NOL7: variants seen among roughly 807,000 people sequenced by gnomAD.
NOL7 encodes the protein nucleolar protein 7.
In NOL7, 36 loss-of-function variants were observed where a neutral mutation model predicts 38.4. That is an observed-to-expected ratio of 0.94 (90% confidence interval 0.72 to 1.24). The LOEUF (loss-of-function observed/expected upper bound fraction) is 1.24. Ranked by LOEUF, NOL7 falls within the 50% of genes most tolerant of loss-of-function variation. The pLI, the probability that NOL7 is intolerant of heterozygous loss-of-function variation, is 0.00. For missense variants in NOL7, 350 were observed against 315.1 expected, an observed-to-expected ratio of 1.11 and a Z score of -0.84; for synonymous variants, 142 against 126.5, an observed-to-expected ratio of 1.12 and a Z score of -0.82.
chr6:13,619,610 C>T (rs189667308), intron 5 of NOL7, among the ~76,000 whole-genome samples: 50 of 152,264 alleles, frequency 3.3e-4, no homozygotes, highest in Admixed American at 1.0e-3. Context: ...TACATGTATC[C>T]GAACAATTTC....
rs1190209601 is a variant in NOL7 at position 13,629,917 on chromosome 6, C to CG, written n.574-2476_574-2475insG. On this transcript the variant is annotated intron_variant and non_coding_transcript_variant, in intron 8 of 8. Coordinates refer to the NOL7 transcript ENST00000474485. ...TCTGTCTCTCTCTCTCTCTCTCTCTCTCTCGTGTGTGTGTGTGTGTGTGTG... is the reference window on the plus strand; with the variant it reads ...TCTGTCTCTCTCTCTCTCTCTCTCTCGTCTCGTGTGTGTGTGTGTGTGTGTG... Among the ~76,000 whole-genome samples the CG allele has an allele frequency of 4.5e-3, 558 of 124,528 alleles. 4 individuals carry two copies. The highest frequency in any genetic ancestry group is 0.022 in the South Asian group (72 of 3,268). The allele number at this position is 124,528 out of a possible 152,430, so 81.7% of individuals were successfully genotyped here. A position where few individuals can be genotyped will look rare whatever the true frequency, so the allele number is the denominator to read the frequency against.
intron 8 of NOL7, among the ~76,000 whole-genome samples, chr6:13,629,079 A>G (rs2127760034): frequency 6.6e-6 from 1 of 152,286 alleles, no homozygotes; most frequent in Admixed American, 6.5e-5. Flanking sequence ...CAATGTTGAA[A>G]TAAACCTATA....
At chr6:13,622,464 T>G, downstream of NOL7, 2 of 1,591,736 alleles carry the variant, frequency 1.3e-6, no homozygotes, top group Non-Finnish European at 1.7e-6. Flanking sequence ...CTAGGGCAAG[T>G]GGAGGTTGCT....
At chr6:13,616,638 C>G (rs979263636) in intron 3 of NOL7, 117 bp downstream of exon 3, 8 of 642,254 alleles carry the variant, frequency 1.2e-5, no homozygotes, top group Non-Finnish European at 1.8e-5. Flanking sequence ...AATTCAAAAG[C>G]TACCTTGGTA....
chr6:13,615,786 G>A lies in NOL7; in HGVS notation c.327+14G>A. On this transcript the variant is annotated intron_variant, in intron 2 of 7. Transcript: ENST00000451315. Reference sequence around the variant, plus strand: ...ATCGAACAGAAGGTTAGAGGCTAGGGAGGAGGTGTCTTATTAAAACAACTC... The same window carrying A: ...ATCGAACAGAAGGTTAGAGGCTAGGAAGGAGGTGTCTTATTAAAACAACTC... The A allele has an allele frequency of 1.9e-6, 3 of 1,603,160 alleles. No homozygotes were observed.
chr6:13,616,606 A>G (rs966114551), intron 3 of NOL7, 85 bp downstream of exon 3: 34 of 936,188 alleles, frequency 3.6e-5, no homozygotes, highest in Non-Finnish European at 4.8e-5. Flanking sequence ...AATCCATATA[A>G]CTGAAGGAAT....
At chr6:13,631,707 A>G (rs1764786618) in intron 8 of NOL7, among the ~76,000 whole-genome samples, 1 of 152,220 alleles carries the variant, frequency 6.6e-6, no homozygotes, top group Non-Finnish European at 1.5e-5. Flanking sequence ...CCAACTGTTA[A>G]AGAGCTGTAC....
At chr6:13,619,160 G>T (rs1764369065) in intron 5 of NOL7, among the ~76,000 whole-genome samples, 1 of 152,184 alleles carries the variant, frequency 6.6e-6, no homozygotes, top group African/African-American at 2.4e-5. Flanking sequence ...GGTGCATGGT[G>T]CTGATGCAAA....
rs930738568 is a variant in NOL7, at chr6:13,620,433, C to G, written c.648C>G (p.Asn216Lys). The change falls in exon 7 of 8, where the codon AAC (asparagine) becomes AAG (lysine). Residue 216 changes from asparagine to lysine, a missense_variant. Coordinates refer to ENST00000451315, the MANE Select transcript of NOL7 (RefSeq NM_016167.5). Reference sequence around the variant, plus strand: ...TAAATAAGTTCCTGTCTCTTGCCAACAAGAGGTTACCAGTGAAAAGAGCTG... The same window carrying G: ...TAAATAAGTTCCTGTCTCTTGCCAAGAAGAGGTTACCAGTGAAAAGAGCTG... ...TTVNKFLSLA[N>K]KRLPVKRAAV... The G allele has an allele frequency of 1.9e-6, 3 of 1,613,948 alleles. No homozygotes were observed. The African/African-American group carries it at 4.0e-5, about 22-fold the overall frequency.
intron 4 of NOL7, 27 bp from the exon 5 acceptor site, chr6:13,618,031 A>C: frequency 7.8e-7 from 1 of 1,290,200 alleles, no homozygotes; most frequent in Non-Finnish European, 1.1e-6. Context: ...GTGAATGCTA[A>C]TTAGAAAATG....
Position 13,615,510 on chromosome 6 carries a change from A to G in NOL7, c.152A>G (p.Glu51Gly), listed in dbSNP as rs1364742796. 6.4e-7 allele frequency: 1 copy of G among 1,554,926 alleles called. No homozygotes were observed. Among genetic ancestry groups the G allele is most frequent in the Non-Finnish European group, 8.7e-7 (1 of 1,148,992 alleles). ...SSGAAAEPLEEDEEGDDEFDD... is the reference protein window; with the variant it reads ...SSGAAAEPLEGDEEGDDEFDD... ...GGCGCGGCCGCCGAGCCCCTGGAGG[A>G]AGACGAGGAAGGGGACGATGAGTTT... The change falls in exon 1 of 8, where the codon GAA becomes GGA. Residue 51 changes from glutamate to glycine, a missense_variant. Physicochemically the swap from Glu to Gly is moderately conservative, Grantham distance 98 (BLOSUM62 -2). Transcript: ENST00000451315.
chr6:13,631,025 G>T (rs1398024529), intron 8 of NOL7, among the ~76,000 whole-genome samples: 1 of 151,900 alleles, frequency 6.6e-6, no homozygotes. Context: ...TAGCAGGATG[G>T]TCTCAATCTC....
At chr6:13,617,645 G>A in intron 3 of NOL7, 125 bp from the exon 4 acceptor site, 1 of 814,434 alleles carries the variant, frequency 1.2e-6, no homozygotes, top group South Asian at 1.6e-5. Flanking sequence ...GAGCTCCTGA[G>A]TAGAAATTGA....
At chr6:13,625,594 C>T, downstream of NOL7, 1 of 1,227,746 alleles carries the variant, frequency 8.1e-7, no homozygotes. Context: ...AGTACAAACA[C>T]CCTCTCTTAA....
At chr6:13,629,184 C>T (rs569941200) in intron 8 of NOL7, among the ~76,000 whole-genome samples, 68 of 152,286 alleles carry the variant, frequency 4.5e-4, no homozygotes, top group African/African-American at 1.5e-3. Context: ...AATCACAGCT[C>T]ACTGCAGCCT....
At chr6:13,629,280 G>A (rs1240454210) in intron 8 of NOL7, among the ~76,000 whole-genome samples, 3 of 152,078 alleles carry the variant, frequency 2.0e-5, no homozygotes, top group Non-Finnish European at 2.9e-5. Context: ...CCAGCCTCGT[G>A]TAGTTATTTA....
chr6:13,619,122 G>C (rs758741840), intron 5 of NOL7, among the ~76,000 whole-genome samples: 17 of 152,222 alleles, frequency 1.1e-4, no homozygotes, highest in Non-Finnish European at 1.6e-4. Context: ...TCTGGCTGCT[G>C]AATGTTCCTC....
chr6:13,620,650 A>C, intron 7 of NOL7, 104 bp from the exon 8 acceptor site: 1 of 982,646 alleles, frequency 1.0e-6, no homozygotes, highest in Non-Finnish European at 1.5e-6. Context: ...TCTAAAGTAT[A>C]ATAAGCCCAC....
downstream of NOL7, among the ~76,000 whole-genome samples, chr6:13,626,511 A>G (rs1764609750): frequency 6.6e-6 from 1 of 152,220 alleles, no homozygotes; most frequent in African/African-American, 2.4e-5. Context: ...CCTATTTCCT[A>G]GATTTGTATG....
Sources: gnomAD v4.1 joint callset for allele counts (sites outside exome capture counted in the v4.1 genomes callset) on GRCh38, gnomAD v4.1.1 for gene constraint, MANE v1.5 for transcripts, NCBI Gene and HGNC (gene_info 2026-07-23, HGNC 2026-07-21) for gene names.